IL1RAPL2: variants seen among roughly 807,000 people sequenced by gnomAD.
IL1RAPL2 encodes interleukin 1 receptor accessory protein like 2, also known as X-linked interleukin-1 receptor accessory protein-like 2.
IL1RAPL2 carries 3 observed loss-of-function variants against 44.1 expected under a neutral mutation model. The ratio of observed to expected loss-of-function variants is 0.07; its 90% CI spans 0.03 to 0.18. The LOEUF (loss-of-function observed/expected upper bound fraction) is 0.18, where lower values mean the gene tolerates loss of function less well. Ranked by LOEUF, IL1RAPL2 falls within the 10% of genes least tolerant of loss-of-function variation. IL1RAPL2 has a pLI of 1.00. For synonymous variants in IL1RAPL2, 181 were observed against 178.8 expected (o/e 1.01, Z -0.10); for missense variants, 391 against 496.4 (o/e 0.79, Z 2.02).
intron 1 of IL1RAPL2, among the ~76,000 whole-genome samples, chrX:104,632,849 T>C (rs911667973): frequency 3.6e-5 from 4 of 110,338 alleles, no homozygotes; most frequent in Non-Finnish European, 7.6e-5. Flanking sequence ...TCCTGCCTGA[T>C]TGCCCTGGCC....
At chrX:105,496,184 G>C (rs1384963780) in intron 6 of IL1RAPL2, among the ~76,000 whole-genome samples, 1 of 112,003 alleles carries the variant, frequency 8.9e-6, no homozygotes, top group African/African-American at 3.2e-5. Flanking sequence ...CCTGCTTCGA[G>C]TTATCCTGCC....
chrX:105,358,885 T>C (rs886633577), intron 5 of IL1RAPL2, among the ~76,000 whole-genome samples: 14 of 111,339 alleles, frequency 1.3e-4, no homozygotes, highest in African/African-American at 3.3e-4. Context: ...AAAGACAAAA[T>C]TGAGCAGAAG....
At chrX:104,802,344 CAAAA>C (rs11324829) in intron 2 of IL1RAPL2, among the ~76,000 whole-genome samples, 1 of 65,297 alleles carries the variant, frequency 1.5e-5, no homozygotes. Flanking sequence ...GACTACATTT[CAAAA>C]AAAAAAAAAA....
At chrX:105,247,329 C>T (rs761547044) in intron 4 of IL1RAPL2, among the ~76,000 whole-genome samples, 5 of 110,874 alleles carry the variant, frequency 4.5e-5, no homozygotes, top group Non-Finnish European at 9.5e-5. Context: ...TGCTCCACTA[C>T]ATGAATATGT....
chrX:105,036,013 G>C (rs778407262), intron 2 of IL1RAPL2, among the ~76,000 whole-genome samples: 6 of 111,414 alleles, frequency 5.4e-5, no homozygotes, highest in Non-Finnish European at 9.4e-5. Context: ...TAGTCTACAT[G>C]GTTCCCTCTA....
intron 3 of IL1RAPL2, among the ~76,000 whole-genome samples, chrX:105,197,901 T>G (rs2033685037): frequency 9.0e-6 from 1 of 111,121 alleles, no homozygotes; most frequent in Non-Finnish European, 1.9e-5. Context: ...GTTTTTTGAT[T>G]CTCTCCCTCC....
chrX:104,629,989 T>C (rs1192922838), intron 1 of IL1RAPL2, among the ~76,000 whole-genome samples: 2 of 111,147 alleles, frequency 1.8e-5, no homozygotes, highest in Non-Finnish European at 1.9e-5. Context: ...CTTTTTTTTG[T>C]TTGTTTGTTT....
chrX:104,782,625 G>A, intron 2 of IL1RAPL2, among the ~76,000 whole-genome samples: 1 of 110,800 alleles, frequency 9.0e-6, no homozygotes, highest in Admixed American at 9.6e-5. Flanking sequence ...TTTTCTTTAG[G>A]CTTTTATTCT....
At chrX:105,590,813 TTGTGTGTGTGTG>T (rs199802193) in intron 6 of IL1RAPL2, among the ~76,000 whole-genome samples, 3 of 97,195 alleles carry the variant, frequency 3.1e-5, no homozygotes, top group East Asian at 3.4e-4. Context: ...TGGCCTGAAT[TTGTGTGTGTGTG>T]TGTGTGTGTG....
intron 5 of IL1RAPL2, among the ~76,000 whole-genome samples, chrX:105,283,331 G>A (rs931749473): frequency 1.8e-5 from 2 of 111,085 alleles, no homozygotes; most frequent in Non-Finnish European, 3.8e-5. Context: ...ATTGAGATTG[G>A]GGATGGCCTA....
intron 2 of IL1RAPL2, among the ~76,000 whole-genome samples, chrX:105,091,426 A>G (rs753299480): frequency 2.7e-4 from 30 of 111,866 alleles, no homozygotes; most frequent in Non-Finnish European, 5.5e-4. Context: ...AGAAGCCAAG[A>G]CATTGGCTAT....
rs1029996585 is a variant in IL1RAPL2 at position 105,433,384 on chromosome X, G to A, written c.698-50929G>A. Reference sequence around the variant, plus strand: ...TGAATTAAATGGTTCTGTTAGTTGCGGCATCTATAAAATTAGGAAATTGGG... The same window carrying A: ...TGAATTAAATGGTTCTGTTAGTTGCAGCATCTATAAAATTAGGAAATTGGG... On this transcript the variant is annotated intron_variant, in intron 5 of 10. Coordinates refer to ENST00000372582, the MANE Select transcript of IL1RAPL2 (RefSeq NM_017416.2). Among the ~76,000 whole-genome samples, 10 of 110,806 alleles carry A rather than the reference G, an allele frequency of 9.0e-5. No homozygotes were observed. The South Asian group carries it at 2.3e-3, about 25-fold the overall frequency.
intron 2 of IL1RAPL2, among the ~76,000 whole-genome samples, chrX:104,781,930 C>T (rs1225984803): frequency 9.0e-6 from 1 of 111,271 alleles, no homozygotes; most frequent in African/African-American, 3.3e-5. Context: ...AGGGCTCCAA[C>T]CTCACAAGTG....
At chrX:105,409,929 G>T (rs1165415182) in intron 5 of IL1RAPL2, among the ~76,000 whole-genome samples, 1 of 109,507 alleles carries the variant, frequency 9.1e-6, no homozygotes, top group Non-Finnish European at 1.9e-5. Flanking sequence ...TAGATTTGGG[G>T]TATGCTTAAG....
chrX:105,083,081 C>T (rs780071435), intron 2 of IL1RAPL2, among the ~76,000 whole-genome samples: 2 of 110,948 alleles, frequency 1.8e-5, no homozygotes, highest in South Asian at 7.8e-4. Context: ...TTGCTAACTA[C>T]AATAACCAGG....
chrX:105,647,028 T>C (rs1467790910), intron 6 of IL1RAPL2, among the ~76,000 whole-genome samples: 2 of 111,897 alleles, frequency 1.8e-5, no homozygotes, highest in Admixed American at 1.9e-4. Context: ...ATGCGGTGAG[T>C]GTTATAGCTC....
intron 5 of IL1RAPL2, among the ~76,000 whole-genome samples, chrX:105,307,595 A>G (rs865832091): frequency 5.5e-5 from 2 of 36,533 alleles, no homozygotes; most frequent in African/African-American, 3.0e-4. Context: ...ATTTTCTATT[A>G]TATATATTAT....
At chrX:104,855,251 A>G (rs1448678602) in intron 2 of IL1RAPL2, among the ~76,000 whole-genome samples, 1 of 111,843 alleles carries the variant, frequency 8.9e-6, no homozygotes, top group Non-Finnish European at 1.9e-5. Flanking sequence ...ATATGACAGG[A>G]ATCAGGATTC....
At chrX:105,569,253 C>T (rs1179149883) in intron 6 of IL1RAPL2, among the ~76,000 whole-genome samples, 1 of 111,575 alleles carries the variant, frequency 9.0e-6, no homozygotes, top group African/African-American at 3.3e-5. Context: ...TCACAACAAA[C>T]CATTGTGGAA....
Sources: allele counts gnomAD v4.1 joint callset (sites outside exome capture counted in the v4.1 genomes callset), GRCh38; gene constraint gnomAD v4.1.1; transcripts MANE v1.5; gene names NCBI Gene and HGNC (gene_info 2026-07-23, HGNC 2026-07-21).